The following TDRD3 variants were observed in gnomAD, a reference collection of about 807,000 sequenced individuals.
The protein encoded by TDRD3 is tudor domain containing 3.
Under a neutral mutation model 86.7 loss-of-function variants are expected in TDRD3, and 45 were observed. That is an observed-to-expected ratio of 0.52 (90% confidence interval 0.41 to 0.67). TDRD3 has a LOEUF of 0.67. Ranked by LOEUF, TDRD3 falls within the 30% of genes least tolerant of loss-of-function variation. TDRD3 has a pLI of 0.00. For synonymous variants in TDRD3, 298 were observed against 301.7 expected (o/e 0.99, Z 0.13); for missense variants, 814 against 889.0 (o/e 0.92, Z 1.07).
intron 1 of TDRD3, among the ~76,000 whole-genome samples, chr13:60,403,835 G>C (rs1031868965): frequency 4.6e-5 from 7 of 152,264 alleles, no homozygotes; most frequent in Admixed American, 2.6e-4. Context: ...ACAAATAGCA[G>C]TATAGTGCTC....
At chr13:60,541,470 G>A (rs760468102) in intron 12 of TDRD3, among the ~76,000 whole-genome samples, 1 of 151,568 alleles carries the variant, frequency 6.6e-6, no homozygotes, top group African/African-American at 2.4e-5. Flanking sequence ...CCCAGTCCAC[G>A]GCATTCTTTT....
At chr13:60,444,897 C>A in intron 3 of TDRD3, 149 bp downstream of exon 3, 1 of 409,362 alleles carries the variant, frequency 2.4e-6, no homozygotes, top group South Asian at 8.9e-5. Context: ...ATGGTGACTT[C>A]CATGGAAAAT....
In TDRD3 at chr13:60,416,619, C is replaced by A. The variant is rs537238436; in HGVS notation, c.41+19214C>A. 3.3e-5 allele frequency among the ~76,000 whole-genome samples: 5 copies of A among 152,320 alleles called. No individual in the cohort carries two copies. In the East Asian group the frequency reaches 7.7e-4, roughly 23 times the overall value. On this transcript the variant is annotated intron_variant, in intron 1 of 13. Coordinates refer to ENST00000377881, the MANE Select transcript of TDRD3 (RefSeq NM_001146070.2). ...TGCACATTTGTTTGCATTAGTCTTA[C>A]TTATAGCTACTGTTTCTTTGGGCTG...
At chr13:60,491,596 A>C (rs1294127042) in intron 7 of TDRD3, among the ~76,000 whole-genome samples, 1 of 152,216 alleles carries the variant, frequency 6.6e-6, no homozygotes, top group East Asian at 1.9e-4. Flanking sequence ...AAGGCAATTG[A>C]AAAGTTACAT....
chr13:60,420,708 C>T (rs1314838550), intron 1 of TDRD3, among the ~76,000 whole-genome samples: 8 of 151,826 alleles, frequency 5.3e-5, no homozygotes, highest in African/African-American at 1.2e-4. Flanking sequence ...TTTGGGAGGC[C>T]GAGGCGGGTG....
chr13:60,401,598 T>G (rs1594888667), intron 1 of TDRD3, among the ~76,000 whole-genome samples: 1 of 152,372 alleles, frequency 6.6e-6, no homozygotes, highest in Middle Eastern at 3.4e-3. Flanking sequence ...GCATTTCCAT[T>G]TTGTTCTGAA....
chr13:60,435,676 G>A (rs1447863338), intron 1 of TDRD3, among the ~76,000 whole-genome samples: 1 of 152,130 alleles, frequency 6.6e-6, no homozygotes, highest in Non-Finnish European at 1.5e-5. Context: ...TTTGGTCGAT[G>A]GACACTTAAG....
intron 10 of TDRD3, 102 bp from the exon 11 acceptor site, chr13:60,528,265 A>G (rs893463489): frequency 7.9e-6 from 10 of 1,267,842 alleles, no homozygotes; most frequent in Non-Finnish European, 9.4e-6. Context: ...ATTTTAGAAT[A>G]GTAGTTTGAT....
intron 1 of TDRD3, among the ~76,000 whole-genome samples, chr13:60,435,122 A>G (rs1246669606): frequency 6.6e-6 from 1 of 152,146 alleles, no homozygotes; most frequent in Non-Finnish European, 1.5e-5. Context: ...TTCTGTGACA[A>G]TCGTCCAGTA....
chr13:60,397,326 CA>C lies in TDRD3; in HGVS notation c.-38del. Reference sequence around the variant, plus strand: ...AAGTAGGAGGCCTCCCCATCACCCCCACCCCAGCCCCCCACCACCCCCGGCC... The same window carrying C: ...AAGTAGGAGGCCTCCCCATCACCCCCCCCCAGCCCCCCACCACCCCCGGCC... On this transcript the variant is annotated 5_prime_UTR_variant, in exon 1 of 14. The change abolishes the stop of an existing upstream ORF in the 5' untranslated region. Coordinates refer to ENST00000377881, the MANE Select transcript of TDRD3 (RefSeq NM_001146070.2). The C allele has an allele frequency of 9.1e-6, 12 of 1,320,442 alleles. No homozygotes were observed. Among genetic ancestry groups the C allele is most frequent in the South Asian group, 4.3e-5 (3 of 70,158 alleles). 81.8% of individuals were successfully genotyped at this position (1,320,442 alleles called of 1,614,324 possible). A position where few individuals can be genotyped will look rare whatever the true frequency, so the allele number is the denominator to read the frequency against.
At chr13:60,429,579 G>A (rs1954900921) in intron 1 of TDRD3, among the ~76,000 whole-genome samples, 1 of 152,008 alleles carries the variant, frequency 6.6e-6, no homozygotes, top group Non-Finnish European at 1.5e-5. Context: ...CAGTCTAATG[G>A]AATAACTTAC....
chr13:60,460,694 C>T (rs1203008256), intron 4 of TDRD3, 154 bp downstream of exon 4: 10 of 699,020 alleles, frequency 1.4e-5, no homozygotes, highest in Non-Finnish European at 1.9e-5. Flanking sequence ...ATTTCTGCTT[C>T]ACCTGTATAA....
At chr13:60,560,446 C>T (rs1385853900) in intron 12 of TDRD3, among the ~76,000 whole-genome samples, 1 of 152,128 alleles carries the variant, frequency 6.6e-6, no homozygotes, top group Non-Finnish European at 1.5e-5. Context: ...CTTTTTTGTA[C>T]TATATTCTGA....
intron 11 of TDRD3, among the ~76,000 whole-genome samples, chr13:60,532,913 T>C (rs1957617598): frequency 6.6e-6 from 1 of 152,172 alleles, no homozygotes; most frequent in African/African-American, 2.4e-5. Flanking sequence ...GATTTTAGCA[T>C]TTTTATTGGG....
intron 8 of TDRD3, among the ~76,000 whole-genome samples, chr13:60,505,005 T>C (rs1566251804): frequency 6.6e-6 from 1 of 152,186 alleles, no homozygotes; most frequent in Non-Finnish European, 1.5e-5. Flanking sequence ...AGCACAAAAC[T>C]GATGGCCTTT....
chr13:60,397,171 C>A (rs1318369636), upstream of TDRD3: 3 of 410,390 alleles, frequency 7.3e-6, no homozygotes, highest in Non-Finnish European at 1.3e-5. Flanking sequence ...CCCCTACGGC[C>A]GCTCAGAAAA....
At chr13:60,548,708 AATTTACC>A (rs1436642098) in intron 12 of TDRD3, among the ~76,000 whole-genome samples, 1 of 152,166 alleles carries the variant, frequency 6.6e-6, no homozygotes, top group African/African-American at 2.4e-5. Context: ...TACACTTTGA[AATTTACC>A]AATTAGTGGA....
chr13:60,457,994 C>T (rs747342443), intron 3 of TDRD3, among the ~76,000 whole-genome samples: 3 of 152,076 alleles, frequency 2.0e-5, no homozygotes, highest in South Asian at 2.1e-4. Flanking sequence ...TGTTCCCAAA[C>T]GAGGTCATAT....
intron 12 of TDRD3, among the ~76,000 whole-genome samples, chr13:60,540,525 A>G (rs139103194): frequency 3.2e-4 from 48 of 152,336 alleles, no homozygotes; most frequent in African/African-American, 1.1e-3. Flanking sequence ...ATATGCATAA[A>G]TGTTACCTTA....
Sources: gnomAD v4.1 joint callset for allele counts (sites outside exome capture counted in the v4.1 genomes callset) on GRCh38, gnomAD v4.1.1 for gene constraint, MANE v1.5 for transcripts, NCBI Gene and HGNC (gene_info 2026-07-23, HGNC 2026-07-21) for gene names.